KATNIP: variants seen among roughly 807,000 people sequenced by gnomAD.
The protein encoded by KATNIP is katanin-interacting protein.
Under a neutral mutation model 174.0 loss-of-function variants are expected in KATNIP, and 126 were observed. That is an observed-to-expected ratio of 0.72 (90% CI 0.63 to 0.84). KATNIP has a LOEUF of 0.84. Ranked by LOEUF, KATNIP falls within the 40% of genes least tolerant of loss-of-function variation. KATNIP has a pLI of 0.00. For synonymous variants in KATNIP, 810 were observed against 835.7 expected (o/e 0.97, Z 0.53); for missense variants, 1,958 against 2,109.7 (o/e 0.93, Z 1.41).
intron 20 of KATNIP, among the ~76,000 whole-genome samples, chr16:27,766,769 C>T (rs1597409278): frequency 6.6e-6 from 1 of 152,170 alleles, no homozygotes; most frequent in East Asian, 1.9e-4. Context: ...CCCTCAAGTC[C>T]CTTGAGTGCT....
At chr16:27,620,943 A>G (rs1335170138) in intron 3 of KATNIP, among the ~76,000 whole-genome samples, 1 of 152,244 alleles carries the variant, frequency 6.6e-6, no homozygotes, top group Non-Finnish European at 1.5e-5. Flanking sequence ...TGGCTGTAAG[A>G]GACAGAAACT....
chr16:27,607,176 G>A (rs911897246), intron 2 of KATNIP, among the ~76,000 whole-genome samples: 5 of 152,188 alleles, frequency 3.3e-5, no homozygotes, highest in East Asian at 1.9e-4. Flanking sequence ...TTCCACCCAC[G>A]CCACGTGGAC....
chr16:27,726,989 G>A (rs917494813), intron 14 of KATNIP, among the ~76,000 whole-genome samples: 3 of 152,210 alleles, frequency 2.0e-5, no homozygotes, highest in African/African-American at 7.2e-5. Context: ...CAGCCCATCT[G>A]AGACCATGTG....
chr16:27,777,104 T>C lies in KATNIP; in HGVS notation c.4551+75T>C. ...TTAGGCCGCCGGCAATTATCATTTG[T>C]CGCAGTTTGATTTACTTCTCTCTGT... is the stretch of plus-strand genomic sequence containing the variant. On this transcript the variant is annotated intron_variant, in intron 25 of 27. Coordinates refer to ENST00000261588, the MANE Select transcript of KATNIP (RefSeq NM_015202.5). This position sits in a 1 kb window ranked among gnomAD's most constrained non-coding sequence, Gnocchi z 4.4. 1 of 992,526 alleles carries C rather than the reference T, an allele frequency of 1.0e-6. No individual in the cohort carries two copies. The highest frequency in any genetic ancestry group is 1.6e-6 in the Non-Finnish European group (1 of 621,948). The allele number at this position is 992,526 out of a possible 1,614,324, so 61.5% of individuals were successfully genotyped here.
chr16:27,751,904 G>T lies in KATNIP; in HGVS notation c.3532G>T (p.Gly1178Cys), dbSNP rs767632140. Residue 1178 changes from glycine (G) to cysteine (C), a missense_variant, in exon 17 of 28, where the codon GGC becomes TGC. This residue lies in a region of KATNIP where 1,557 missense variants were observed against 1,617.8 expected (regional missense o/e 0.96). Transcript: ENST00000261588. ...GGATGAGCGGCCCTTCACCCAGGCT[G>T]GCTTGGGGGCTGATGAACGGGTAGG... ...EGDERPFTQAGLGADERIPEL... is the reference protein window; with the variant it reads ...EGDERPFTQACLGADERIPEL... 2.2e-5 allele frequency: 36 copies of T among 1,610,892 alleles called. No homozygotes were observed. The highest frequency in any genetic ancestry group is 2.9e-5 in the Non-Finnish European group (34 of 1,179,470).
intron 15 of KATNIP, among the ~76,000 whole-genome samples, chr16:27,743,391 C>T (rs1393958732): frequency 2.0e-5 from 3 of 152,074 alleles, no homozygotes; most frequent in East Asian, 3.9e-4. Context: ...GGAACAAGTT[C>T]CTCAGACTCC....
intron 2 of KATNIP, among the ~76,000 whole-genome samples, chr16:27,617,847 C>A (rs1219778921): frequency 1.3e-5 from 2 of 152,108 alleles, no homozygotes; most frequent in East Asian, 1.9e-4. Flanking sequence ...CAGTCCTCCC[C>A]CTTCAGCCCC....
At chr16:27,731,992 C>T (rs2080709661) in intron 14 of KATNIP, among the ~76,000 whole-genome samples, 1 of 152,214 alleles carries the variant, frequency 6.6e-6, no homozygotes, top group Non-Finnish European at 1.5e-5. Context: ...GCCATTACTC[C>T]ACATGTTAGC....
intron 2 of KATNIP, among the ~76,000 whole-genome samples, chr16:27,586,736 G>A (rs2090910701): frequency 6.6e-6 from 1 of 151,594 alleles, no homozygotes; most frequent in African/African-American, 2.4e-5. Flanking sequence ...GGCCGAGGTC[G>A]GAGGATCACC....
At chr16:27,690,830 G>A (rs540270635) in intron 8 of KATNIP, among the ~76,000 whole-genome samples, 127 of 152,182 alleles carry the variant, frequency 8.3e-4, no homozygotes, top group Non-Finnish European at 1.2e-3. Flanking sequence ...GTCGAAAGGG[G>A]GCGCCATCAC....
chr16:27,661,807 G>A (rs544563174), intron 6 of KATNIP, among the ~76,000 whole-genome samples: 24 of 144,900 alleles, frequency 1.7e-4, no homozygotes, highest in African/African-American at 5.4e-4. Context: ...GTGCAGTGGC[G>A]TAATCATAGC....
intron 1 of KATNIP, among the ~76,000 whole-genome samples, chr16:27,551,129 G>A (rs1046870078): frequency 2.0e-5 from 3 of 152,178 alleles, no homozygotes; most frequent in African/African-American, 7.2e-5. Flanking sequence ...TTGACAATTG[G>A]AAGCAAATGG....
intron 22 of KATNIP, among the ~76,000 whole-genome samples, chr16:27,771,868 G>T (rs953466509): frequency 2.6e-5 from 4 of 152,186 alleles, no homozygotes; most frequent in African/African-American, 9.7e-5. Flanking sequence ...GAGGCTGGAG[G>T]GGGCAGCACC....
intron 6 of KATNIP, among the ~76,000 whole-genome samples, chr16:27,665,613 T>G (rs2077653701): frequency 6.6e-6 from 1 of 151,680 alleles, no homozygotes; most frequent in African/African-American, 2.4e-5. Context: ...ATTATTTTTT[T>G]TTTTTTTTGA....
chr16:27,656,964 A>G (rs2077315250), intron 6 of KATNIP, among the ~76,000 whole-genome samples: 1 of 152,060 alleles, frequency 6.6e-6, no homozygotes, highest in Non-Finnish European at 1.5e-5. Flanking sequence ...AAAAAAACAC[A>G]ATAAAGGCAG....
At chr16:27,599,665 G>A (rs2075451033) in intron 2 of KATNIP, among the ~76,000 whole-genome samples, 1 of 152,090 alleles carries the variant, frequency 6.6e-6, no homozygotes, top group Non-Finnish European at 1.5e-5. Flanking sequence ...CTAAGCACCT[G>A]CGGTAGCCTC....
Position 27,777,957 on chromosome 16 carries a change from G to A in KATNIP, c.4789G>A (p.Val1597Ile), listed in dbSNP as rs2287790. Reference sequence around the variant, plus strand: ...TACCAACGCGAAACGGAAGCAGAGCGTTGTTGACCCAGGTCAGTGGCGTTT... The same window carrying A: ...TACCAACGCGAAACGGAAGCAGAGCATTGTTGACCCAGGTCAGTGGCGTTT... ...IITNAKRKQS[V>I]VDPALRPKTC... The change falls in exon 27 of 28, where the codon GTT becomes ATT. Residue 1597 changes from valine to isoleucine, a missense_variant. Transcript: ENST00000261588. This position sits in a 1 kb window ranked among gnomAD's most constrained non-coding sequence, Gnocchi z 4.4. 0.011 allele frequency: 17,210 copies of A among 1,613,998 alleles called. 457 individuals are homozygous for A. Among genetic ancestry groups the A allele is most frequent in the East Asian group, 0.11 (4,755 of 44,884 alleles).
At chr16:27,778,479 C>G (rs1009190209) in intron 27 of KATNIP, 95 bp from the exon 28 acceptor site, 10 of 1,315,386 alleles carry the variant, frequency 7.6e-6, no homozygotes, top group African/African-American at 4.5e-5. Flanking sequence ...CCTTGAATGG[C>G]AACCCAGGCT....
chr16:27,734,403 A>G (rs561167802), intron 14 of KATNIP, among the ~76,000 whole-genome samples: 3 of 150,574 alleles, frequency 2.0e-5, no homozygotes, highest in Non-Finnish European at 4.4e-5. Flanking sequence ...TTTAAAAAAA[A>G]AAAAAAAAAA....
Sources: gnomAD v4.1 joint callset for allele counts (sites outside exome capture counted in the v4.1 genomes callset) on GRCh38, gnomAD v4.1.1 for gene constraint, gnomAD v4.1.1 regional missense constraint, Gnocchi (gnomAD v3.1) non-coding constraint, MANE v1.5 for transcripts, NCBI Gene and HGNC (gene_info 2026-07-23, HGNC 2026-07-21) for gene names.